SLC4A5: variants seen among roughly 807,000 people sequenced by gnomAD.
SLC4A5 encodes the protein electrogenic sodium bicarbonate cotransporter 4.
A neutral mutation model predicts 120.4 loss-of-function variants in SLC4A5; 96 were observed. The ratio of observed to expected loss-of-function variants is 0.80; its 90% confidence interval spans 0.68 to 0.94. The LOEUF is 0.94. Ranked by LOEUF, SLC4A5 falls within the 40% of genes least tolerant of loss-of-function variation. The pLI is 0.00. For missense variants in SLC4A5, 1,259 were observed against 1,459.5 expected (o/e 0.86, Z 2.24); for synonymous variants, 550 against 571.1 (o/e 0.96, Z 0.53).
At chr2:74,262,344 C>G in intron 10 of SLC4A5, 112 bp from the exon 11 acceptor site, 1 of 617,038 alleles carries the variant, frequency 1.6e-6, no homozygotes, top group East Asian at 2.9e-5. Flanking sequence ...CATGTCTCTT[C>G]CCCTTCTGGG....
At chr2:74,250,239 T>G (rs952134437) in intron 17 of SLC4A5, 104 bp downstream of exon 17, 5 of 1,131,966 alleles carry the variant, frequency 4.4e-6, no homozygotes, top group Non-Finnish European at 6.4e-6. Context: ...TCAACCTGGA[T>G]GGTAGATGAA....
At chr2:74,330,736 G>A (rs1673338723) in intron 4 of SLC4A5, among the ~76,000 whole-genome samples, 1 of 146,908 alleles carries the variant, frequency 6.8e-6, no homozygotes, top group Non-Finnish European at 1.5e-5. Context: ...AGATGGTGGT[G>A]GCAGTGAGGT....
At chr2:74,222,879 T>C (rs1694702593) in exon 29 of SLC4A5, 1 of 1,613,274 alleles carries the variant, frequency 6.2e-7, no homozygotes, top group East Asian at 2.2e-5. Flanking sequence ...GGCAATGCAG[T>C]GGATACCGTT....
At chr2:74,311,675 T>C (rs1672809415) in intron 6 of SLC4A5, among the ~76,000 whole-genome samples, 1 of 152,230 alleles carries the variant, frequency 6.6e-6, no homozygotes. Context: ...ATACTCTGCA[T>C]GACTTCTGTT....
chr2:74,265,415 G>T, intron 8 of SLC4A5, 151 bp from the exon 9 acceptor site: 2 of 912,412 alleles, frequency 2.2e-6, no homozygotes, highest in Non-Finnish European at 3.3e-6. Context: ...ATCTCTTGGG[G>T]ATCCCCTCAT....
At chr2:74,228,369 T>G (rs746766244) in intron 25 of SLC4A5, among the ~76,000 whole-genome samples, 1 of 152,186 alleles carries the variant, frequency 6.6e-6, no homozygotes, top group Non-Finnish European at 1.5e-5. Flanking sequence ...GGCTCACACC[T>G]GTAGTCCTAG....
chr2:74,302,287 G>C (rs1487146154), intron 7 of SLC4A5, among the ~76,000 whole-genome samples: 1 of 152,292 alleles, frequency 6.6e-6, no homozygotes, highest in Non-Finnish European at 1.5e-5. Flanking sequence ...AGGAAGAGCA[G>C]ACGGTGAAGG....
intron 30 of SLC4A5, among the ~76,000 whole-genome samples, chr2:74,219,591 A>G (rs1694559820): frequency 6.6e-6 from 1 of 152,168 alleles, no homozygotes; most frequent in Admixed American, 6.6e-5. Context: ...TACCATCTCC[A>G]GTTACCAAAG....
chr2:74,236,679 A>G (rs1670278750), intron 21 of SLC4A5, among the ~76,000 whole-genome samples: 1 of 152,232 alleles, frequency 6.6e-6, no homozygotes, highest in African/African-American at 2.4e-5. Context: ...TTCCTTTTCT[A>G]TAATATTCCT....
intron 2 of SLC4A5, among the ~76,000 whole-genome samples, chr2:74,340,339 C>T (rs138988060): frequency 6.6e-6 from 1 of 152,160 alleles, no homozygotes; most frequent in South Asian, 2.1e-4. Flanking sequence ...TCCAAAAAAG[C>T]ACTTTTGTTC....
intron 7 of SLC4A5, among the ~76,000 whole-genome samples, chr2:74,301,927 A>G (rs192033223): frequency 6.6e-6 from 1 of 152,274 alleles, no homozygotes; most frequent in East Asian, 1.9e-4. Flanking sequence ...GTTTTACTTG[A>G]ACTTTTAAAT....
At chr2:74,250,683 G>T in intron 16 of SLC4A5, 166 bp from the exon 17 acceptor site, 3 of 774,424 alleles carry the variant, frequency 3.9e-6, no homozygotes, top group Non-Finnish European at 6.1e-6. Flanking sequence ...ATGAATTCCT[G>T]TAGGACTGAG....
chr2:74,333,177 T>C (rs770306253), intron 4 of SLC4A5, among the ~76,000 whole-genome samples: 13 of 152,216 alleles, frequency 8.5e-5, no homozygotes, highest in Admixed American at 2.6e-4. Flanking sequence ...TTCTGGCCTC[T>C]AGTGGGTAGT....
intron 8 of SLC4A5, among the ~76,000 whole-genome samples, chr2:74,284,556 G>A (rs1423494624): frequency 1.3e-5 from 2 of 152,114 alleles, no homozygotes; most frequent in African/African-American, 4.8e-5. Context: ...TTCTTCTCCT[G>A]GGGGCAGAGT....
chr2:74,306,774 T>C, intron 6 of SLC4A5: 2 of 901,468 alleles, frequency 2.2e-6, no homozygotes, highest in Non-Finnish European at 1.7e-6. Context: ...CACTTTGCCA[T>C]CCACTATCCA....
At chr2:74,321,671 G>A (rs568753639) in intron 5 of SLC4A5, among the ~76,000 whole-genome samples, 13 of 151,692 alleles carry the variant, frequency 8.6e-5, no homozygotes, top group Non-Finnish European at 1.3e-4. Context: ...GGGAGAATGC[G>A]CATTGGGTAG....
chr2:74,248,345 A>AC lies in SLC4A5; in HGVS notation c.1787+7dup, dbSNP rs773469146. 1 of 1,613,790 alleles carries AC rather than the reference A, an allele frequency of 6.2e-7. No homozygotes were observed. Among genetic ancestry groups the AC allele is most frequent in the Non-Finnish European group, 8.5e-7 (1 of 1,179,832 alleles). Reference sequence around the variant, plus strand: ...AGCAGGCACTGGGGGCCACCAAGGGACACCTACTTGCTGAAGTCGAAGAGG... The same window carrying AC: ...AGCAGGCACTGGGGGCCACCAAGGGACCACCTACTTGCTGAAGTCGAAGAGG... On this transcript the variant is annotated splice_region_variant and intron_variant, in intron 18 of 30. Coordinates refer to ENST00000394019, the Ensembl canonical transcript of SLC4A5.
chr2:74,266,389 C>T (rs1671303130), intron 8 of SLC4A5, among the ~76,000 whole-genome samples: 1 of 152,160 alleles, frequency 6.6e-6, no homozygotes. Context: ...CCAACTCAGC[C>T]TCCCAAGTAG....
chr2:74,305,729 T>C (rs1488110480), intron 6 of SLC4A5, among the ~76,000 whole-genome samples: 3 of 144,848 alleles, frequency 2.1e-5, no homozygotes, highest in Non-Finnish European at 4.5e-5. Flanking sequence ...TCCTTTTTTT[T>C]TTTTTTTTTT....
Sources: gnomAD v4.1 joint callset for allele counts (sites outside exome capture counted in the v4.1 genomes callset) on GRCh38, gnomAD v4.1.1 for gene constraint, MANE v1.5 for transcripts, NCBI Gene and HGNC (gene_info 2026-07-23, HGNC 2026-07-21) for gene names.